KCNC2: variants seen among roughly 807,000 people sequenced by gnomAD.
The protein encoded by KCNC2 is voltage-gated potassium channel KCNC2.
In KCNC2, 21 loss-of-function variants were observed where a neutral mutation model predicts 44.5. That is an observed-to-expected ratio of 0.47 (90% CI 0.33 to 0.68). The LOEUF is 0.68. KCNC2 is among the 30% of genes least tolerant of loss of function. KCNC2 has a pLI of 0.01. For synonymous variants in KCNC2, 391 were observed against 339.1 expected, an observed-to-expected ratio of 1.15 and a Z score of -1.68; for missense variants, 589 against 826.2, an observed-to-expected ratio of 0.71 and a Z score of 3.52.
intron 4 of KCNC2, among the ~76,000 whole-genome samples, chr12:75,045,145 C>A (rs555570844): frequency 6.6e-6 from 1 of 151,858 alleles, no homozygotes; most frequent in Non-Finnish European, 1.5e-5. Context: ...CGATTAAAGG[C>A]GAAGTGGTGA....
chr12:75,143,559 G>C (rs1474743437), intron 2 of KCNC2, among the ~76,000 whole-genome samples: 1 of 152,036 alleles, frequency 6.6e-6, no homozygotes, highest in Non-Finnish European at 1.5e-5. Flanking sequence ...AGCCCTACAT[G>C]CCTGTTATTA....
chr12:75,145,016 G>A lies in KCNC2; in HGVS notation c.687+62281C>T, dbSNP rs141026199. Among the ~76,000 whole-genome samples, 207 of 152,250 alleles carry A rather than the reference G, an allele frequency of 1.4e-3. 1 individual carries two copies. The highest frequency in any genetic ancestry group is 4.6e-3 in the African/African-American group (193 of 41,552). ...ATGTGATTCTCACAAATCCATTGAGGATATTTTAGACCTGCTCTGATCTTC... is the reference window on the plus strand; with the variant it reads ...ATGTGATTCTCACAAATCCATTGAGAATATTTTAGACCTGCTCTGATCTTC... On this transcript the variant is annotated intron_variant, in intron 2 of 4. Coordinates refer to ENST00000549446, the MANE Select transcript of KCNC2 (RefSeq NM_139137.4).
intron 2 of KCNC2, among the ~76,000 whole-genome samples, chr12:75,095,315 G>A (rs1407244510): frequency 6.6e-6 from 1 of 151,582 alleles, no homozygotes; most frequent in Admixed American, 6.6e-5. Context: ...AGTTGCACAG[G>A]GCCCACACAC....
intron 2 of KCNC2, among the ~76,000 whole-genome samples, chr12:75,175,631 G>A (rs551877980): frequency 5.9e-5 from 9 of 152,038 alleles, no homozygotes; most frequent in African/African-American, 1.4e-4. Context: ...TTCCCCTCTG[G>A]CATAGTAAGG....
chr12:75,118,468 C>A (rs773626010), intron 2 of KCNC2, among the ~76,000 whole-genome samples: 2 of 151,952 alleles, frequency 1.3e-5, no homozygotes, highest in African/African-American at 2.4e-5. Flanking sequence ...AAAATTTCAA[C>A]CTCATTGCTG....
intron 2 of KCNC2, among the ~76,000 whole-genome samples, chr12:75,070,941 G>T (rs1334778094): frequency 6.6e-6 from 1 of 151,904 alleles, no homozygotes; most frequent in South Asian, 2.1e-4. Context: ...ATTCTTAATG[G>T]CAGACATATT....
At chr12:75,105,776 T>C (rs976130965) in intron 2 of KCNC2, among the ~76,000 whole-genome samples, 4 of 152,142 alleles carry the variant, frequency 2.6e-5, no homozygotes, top group African/African-American at 9.6e-5. Flanking sequence ...GAAATTACCA[T>C]GATTTCGTTT....
intron 2 of KCNC2, among the ~76,000 whole-genome samples, chr12:75,098,347 G>A (rs962009727): frequency 5.9e-5 from 9 of 152,052 alleles, no homozygotes; most frequent in African/African-American, 2.2e-4. Flanking sequence ...CATTACTCTG[G>A]TTGGTTGATT....
chr12:75,166,497 T>C (rs1025340246), intron 2 of KCNC2, among the ~76,000 whole-genome samples: 7 of 150,278 alleles, frequency 4.7e-5, no homozygotes, highest in African/African-American at 1.7e-4. Context: ...TCCACCAACA[T>C]CAGCAGAATA....
chr12:75,201,283 A>AC (rs1565693549), intron 2 of KCNC2, among the ~76,000 whole-genome samples: 22 of 127,562 alleles, frequency 1.7e-4, no homozygotes, highest in Non-Finnish European at 2.9e-4. Context: ...AAAAAAAAAA[A>AC]AAAAAAAAAA....
intron 2 of KCNC2, among the ~76,000 whole-genome samples, chr12:75,157,764 A>G (rs946146805): frequency 3.3e-5 from 5 of 151,936 alleles, no homozygotes; most frequent in South Asian, 4.1e-4. Context: ...ATGACTACTG[A>G]CAGTGATTAT....
intron 2 of KCNC2, among the ~76,000 whole-genome samples, chr12:75,118,655 A>G (rs986126226): frequency 2.0e-5 from 3 of 152,166 alleles, no homozygotes; most frequent in Non-Finnish European, 2.9e-5. Context: ...GGTCATGGTA[A>G]AGAAAACAGA....
chr12:75,172,708 G>A (rs1393551541), intron 2 of KCNC2, among the ~76,000 whole-genome samples: 2 of 151,806 alleles, frequency 1.3e-5, no homozygotes, highest in African/African-American at 4.8e-5. Context: ...GAAAGAGCTA[G>A]CCTTTTACAT....
At chr12:75,152,253 C>A (rs1037739073) in intron 2 of KCNC2, among the ~76,000 whole-genome samples, 1 of 148,986 alleles carries the variant, frequency 6.7e-6, no homozygotes, top group Non-Finnish European at 1.5e-5. Flanking sequence ...TAAATACATA[C>A]GTAAACATAT....
At chr12:75,135,576 T>C (rs1889168187) in intron 2 of KCNC2, among the ~76,000 whole-genome samples, 1 of 152,040 alleles carries the variant, frequency 6.6e-6, no homozygotes, top group Admixed American at 6.6e-5. Flanking sequence ...TAGATAATAT[T>C]GATGTTACCG....
intron 2 of KCNC2, among the ~76,000 whole-genome samples, chr12:75,075,746 A>C (rs1022144028): frequency 1.3e-5 from 2 of 152,048 alleles, no homozygotes; most frequent in African/African-American, 4.8e-5. Context: ...AAAAGAAACT[A>C]TACATCATTA....
intron 2 of KCNC2, among the ~76,000 whole-genome samples, chr12:75,171,794 A>G (rs965168116): frequency 1.3e-5 from 2 of 151,832 alleles, no homozygotes; most frequent in Non-Finnish European, 2.9e-5. Context: ...GAAATAATAA[A>G]TACTTGAGTG....
chr12:75,198,280 T>A (rs2030947414), intron 2 of KCNC2, among the ~76,000 whole-genome samples: 1 of 151,888 alleles, frequency 6.6e-6, no homozygotes, highest in Admixed American at 6.6e-5. Context: ...GTTGCTCAAC[T>A]TTGACGCATC....
chr12:75,053,352 T>TTA lies in KCNC2; in HGVS notation c.688-2037_688-2036dup, dbSNP rs1439044133. Reference sequence around the variant, plus strand: ...ACTCAGAAGAATCTTCCTAAAGCCTTTATAGCTCACTACCTCCTTAGTAAT... The same window carrying TTA: ...ACTCAGAAGAATCTTCCTAAAGCCTTTATATAGCTCACTACCTCCTTAGTAAT... On this transcript the variant is annotated intron_variant, in intron 2 of 4. Coordinates refer to ENST00000549446, the MANE Select transcript of KCNC2 (RefSeq NM_139137.4). Among the ~76,000 whole-genome samples, 4 of 152,198 alleles carry TTA rather than the reference T, an allele frequency of 2.6e-5. No homozygotes were observed. The East Asian group carries it at 7.7e-4, about 29-fold the overall frequency.
Sources: gnomAD v4.1 joint callset for allele counts (sites outside exome capture counted in the v4.1 genomes callset) on GRCh38, gnomAD v4.1.1 for gene constraint, MANE v1.5 for transcripts, NCBI Gene and HGNC (gene_info 2026-07-23, HGNC 2026-07-21) for gene names.